The following TTC29 variants were observed in gnomAD, a reference collection of about 807,000 sequenced individuals.
TTC29 encodes tetratricopeptide repeat protein 29.
TTC29 carries 49 observed loss-of-function variants against 58.1 expected under a neutral mutation model. The ratio of observed to expected loss-of-function variants is 0.84; its 90% CI spans 0.67 to 1.07. The LOEUF is 1.07. Ranked by LOEUF, TTC29 falls within the 50% of genes least tolerant of loss-of-function variation. TTC29 has a pLI of 0.00. For missense variants in TTC29, 582 were observed against 555.6 expected (o/e 1.05, Z -0.48); for synonymous variants, 209 against 196.8 (o/e 1.06, Z -0.52).
chr4:146,860,664 T>C (rs1730169925), intron 8 of TTC29, among the ~76,000 whole-genome samples: 1 of 152,182 alleles, frequency 6.6e-6, no homozygotes, highest in Non-Finnish European at 1.5e-5. Context: ...CGCAGAATGG[T>C]GCATAATTGA....
chr4:146,941,030 G>C (rs1334060753), intron 2 of TTC29, among the ~76,000 whole-genome samples: 1 of 152,160 alleles, frequency 6.6e-6, no homozygotes, highest in Non-Finnish European at 1.5e-5. Flanking sequence ...TGAGCAATTA[G>C]GAAGGCAAGT....
chr4:146,747,720 T>C (rs1451834399), intron 11 of TTC29, among the ~76,000 whole-genome samples: 1 of 152,194 alleles, frequency 6.6e-6, no homozygotes, highest in Admixed American at 6.5e-5. Context: ...TCTGATGTGG[T>C]GCCCTACCCC....
At position 146,930,733 on chromosome 4, in the gene TTC29, A is replaced by G. The variant is rs185230409; in HGVS notation, c.176+6861T>C. Reference sequence around the variant, plus strand: ...TATCAAAGACAAAACTCAACATAATAAAACCATCTTGCCCCATACATTGAG... The same window carrying G: ...TATCAAAGACAAAACTCAACATAATGAAACCATCTTGCCCCATACATTGAG... On this transcript the variant is annotated intron_variant, in intron 4 of 12. Transcript: ENST00000325106. 1.8e-4 allele frequency among the ~76,000 whole-genome samples: 27 copies of G among 152,320 alleles called. No individual in the cohort carries two copies. In the East Asian group the frequency reaches 4.2e-3, roughly 24 times the overall value.
chr4:146,821,985 G>GTTTTTTTTTTTTTTT (rs34100285), intron 9 of TTC29, among the ~76,000 whole-genome samples: 1 of 109,598 alleles, frequency 9.1e-6, no homozygotes, highest in African/African-American at 3.4e-5. Context: ...CATGTCTAGT[G>GTTTTTTTTTTTTTTT]TTTTTTTTTT....
intron 8 of TTC29, among the ~76,000 whole-genome samples, chr4:146,847,063 A>C (rs368093431): frequency 2.6e-5 from 4 of 152,330 alleles, no homozygotes; most frequent in African/African-American, 2.4e-5. Flanking sequence ...CGCACAGAAG[A>C]AGCTTCGTCT....
At chr4:146,730,944 G>A (rs1174142371) in intron 11 of TTC29, among the ~76,000 whole-genome samples, 2 of 152,178 alleles carry the variant, frequency 1.3e-5, no homozygotes, top group Non-Finnish European at 2.9e-5. Flanking sequence ...TAGAGATTGT[G>A]AGGGTGAAAA....
chr4:146,833,704 T>C (rs1178153406), intron 9 of TTC29, 102 bp downstream of exon 9: 3 of 889,870 alleles, frequency 3.4e-6, no homozygotes, highest in Non-Finnish European at 5.5e-6. Context: ...CTGCTTAAAA[T>C]TTAAGCAGGC....
rs373793476 is a variant in TTC29, at chr4:146,767,238, A to ATCT, written c.1330+36216_1330+36218dup. The stretch of plus-strand genomic sequence containing the variant: ...CCCTGGTTTTAGTCCTGGTTCTACC[A>ATCT]TCTTCTGCCTGGTTCACTGGGGTCA... On this transcript the variant is annotated intron_variant, in intron 11 of 12. Coordinates refer to ENST00000325106, the MANE Select transcript of TTC29 (RefSeq NM_031956.4). Among the ~76,000 whole-genome samples the ATCT allele has an allele frequency of 3.9e-3, 592 of 152,072 alleles. 8 individuals are homozygous for ATCT. The highest frequency in any genetic ancestry group is 0.013 in the African/African-American group (549 of 41,522).
rs376352703 is a variant in TTC29 at position 146,806,955 on chromosome 4, G to A, written c.1102-3270C>T. On this transcript the variant is annotated intron_variant, in intron 10 of 12. Transcript: ENST00000325106. ...TATACATTCTTCTCAGCACCACATC[G>A]CACTTATTCTAAAATTGACCACATA... 4.6e-5 allele frequency among the ~76,000 whole-genome samples: 7 copies of A among 152,152 alleles called. No individual in the cohort carries two copies. In the East Asian group the frequency reaches 5.8e-4, roughly 13 times the overall value.
chr4:146,871,815 T>A lies in TTC29; in HGVS notation c.799+2901A>T, dbSNP rs147623793. Among the ~76,000 whole-genome samples the A allele has an allele frequency of 4.9e-3, 742 of 152,154 alleles. 5 individuals are homozygous for A. The highest frequency in any genetic ancestry group is 8.9e-3 in the Non-Finnish European group (606 of 67,908). On this transcript the variant is annotated intron_variant, in intron 7 of 12. Transcript: ENST00000325106. ...TGGATTGAAAAACTTAGTTTGAAGA[T>A]GGCAATATTCCCTAAATTGATTGAC... is the stretch of plus-strand genomic sequence containing the variant.
At chr4:146,733,393 GAT>G (rs929581896) in intron 11 of TTC29, among the ~76,000 whole-genome samples, 4 of 151,640 alleles carry the variant, frequency 2.6e-5, no homozygotes, top group Admixed American at 1.3e-4. Context: ...GTAAGTATAT[GAT>G]ATATATATAT....
intron 5 of TTC29, among the ~76,000 whole-genome samples, chr4:146,904,470 AT>A (rs1434588926): frequency 9.9e-5 from 15 of 152,180 alleles, no homozygotes; most frequent in Admixed American, 1.3e-4. Flanking sequence ...ACATAAAAAA[AT>A]GTGTCCGTCA....
chr4:146,829,501 T>A (rs1728024469), intron 9 of TTC29, among the ~76,000 whole-genome samples: 1 of 152,160 alleles, frequency 6.6e-6, no homozygotes, highest in African/African-American at 2.4e-5. Flanking sequence ...GCAAATGGGA[T>A]CAGTGACAGG....
chr4:146,922,033 A>G (rs916281280), intron 4 of TTC29, among the ~76,000 whole-genome samples: 2 of 149,740 alleles, frequency 1.3e-5, no homozygotes, highest in African/African-American at 2.4e-5. Flanking sequence ...AAAAAAAAGA[A>G]AGAAAGAAAA....
chr4:146,762,693 A>G (rs1239540490), intron 11 of TTC29, among the ~76,000 whole-genome samples: 2 of 151,802 alleles, frequency 1.3e-5, no homozygotes, highest in East Asian at 3.9e-4. Flanking sequence ...CATAAAATGC[A>G]TTTTGATTTC....
At chr4:146,799,246 A>G (rs1286139432) in intron 11 of TTC29, among the ~76,000 whole-genome samples, 4 of 152,206 alleles carry the variant, frequency 2.6e-5, no homozygotes, top group African/African-American at 9.6e-5. Context: ...TGATTATAAG[A>G]TGGATGAAAC....
At chr4:146,864,005 T>A (rs530988788) in intron 8 of TTC29, among the ~76,000 whole-genome samples, 47 of 152,144 alleles carry the variant, frequency 3.1e-4, no homozygotes, top group Non-Finnish European at 5.4e-4. Context: ...CACCCAGAAA[T>A]GTTTCGCCAG....
intron 11 of TTC29, among the ~76,000 whole-genome samples, chr4:146,797,917 G>C (rs1749942052): frequency 1.4e-5 from 2 of 144,740 alleles, no homozygotes; most frequent in African/African-American, 5.1e-5. Context: ...CATATATTAG[G>C]CTTCTTGAAG....
At chr4:146,806,636 A>C (rs1450431289) in intron 10 of TTC29, among the ~76,000 whole-genome samples, 1 of 152,114 alleles carries the variant, frequency 6.6e-6, no homozygotes, top group Admixed American at 6.5e-5. Context: ...AAAAAAAGAC[A>C]AAGAAGGGCA....
Sources: gnomAD v4.1 joint callset for allele counts (sites outside exome capture counted in the v4.1 genomes callset) on GRCh38, gnomAD v4.1.1 for gene constraint, MANE v1.5 for transcripts, NCBI Gene and HGNC (gene_info 2026-07-23, HGNC 2026-07-21) for gene names.